Variants in NIN observed in about 807,000 individuals in gnomAD.
NIN encodes glycogen synthase kinase 3 beta-interacting protein.
In NIN, 137 loss-of-function variants were observed where a neutral mutation model predicts 257.6. The observed-to-expected ratio is 0.53, with a 90% CI of 0.46 to 0.61. NIN has a LOEUF of 0.61. Among genes scored for constraint, NIN ranks in the 20% least tolerant of loss-of-function variants. The pLI, the probability that NIN is intolerant of heterozygous loss-of-function variation, is 0.00. For missense variants in NIN, 2,439 were observed against 2,501.2 expected (o/e 0.98, Z 0.53); for synonymous variants, 918 against 919.8 (o/e 1.00, Z 0.04).
At chr14:50,737,757 G>A (rs1272909506) in intron 27 of NIN, among the ~76,000 whole-genome samples, 1 of 150,538 alleles carries the variant, frequency 6.6e-6, no homozygotes, top group Non-Finnish European at 1.5e-5. Flanking sequence ...CAATTCTCCT[G>A]CCTCAGCCTC....
At chr14:50,831,484 C>T (rs1275927017), upstream of NIN, among the ~76,000 whole-genome samples, 2 of 152,230 alleles carry the variant, frequency 1.3e-5, no homozygotes, top group Non-Finnish European at 2.9e-5. Context: ...CGGGCCGCAG[C>T]GTCTTCGCGC....
chr14:50,823,933 G>C (rs1231059813), intron 2 of NIN, among the ~76,000 whole-genome samples: 1 of 152,172 alleles, frequency 6.6e-6, no homozygotes, highest in East Asian at 1.9e-4. Flanking sequence ...ATTTAGACAA[G>C]GCCAACACTT....
At chr14:50,770,802 C>T in intron 11 of NIN, 50 bp downstream of exon 11, 1 of 1,581,568 alleles carries the variant, frequency 6.3e-7, no homozygotes, top group Non-Finnish European at 8.6e-7. Context: ...GGCGCCACTG[C>T]CCTGGGCCAG....
At chr14:50,828,442 G>T (rs1257393094) in intron 2 of NIN, among the ~76,000 whole-genome samples, 3 of 152,084 alleles carry the variant, frequency 2.0e-5, no homozygotes, top group African/African-American at 7.2e-5. Flanking sequence ...TCATAAATAG[G>T]ATAAAAATCT....
In NIN at chr14:50,757,927, C is replaced by A. The variant is rs780085952; in HGVS notation, c.3103G>T (p.Gly1035Cys). 1.9e-6 allele frequency: 3 copies of A among 1,614,200 alleles called. No homozygotes were observed. Among genetic ancestry groups the A allele is most frequent in the Non-Finnish European group, 2.5e-6 (3 of 1,180,028 alleles). ...ATSPLSMLQS[G>C]CQVIGEEEVE... ...TCCTCCTCTCCTATCACCTGGCAAC[C>A]ACTCTGAAGCATTGAGAGAGGAGAT... Residue 1035 changes from glycine (G) to cysteine (C), a missense_variant, in exon 18 of 31, where the codon GGT becomes TGT. Gly to Cys is a radical substitution (Grantham distance 159, BLOSUM62 -3). This residue lies in a region of NIN where 2,043 missense variants were observed against 2,050.2 expected (regional missense o/e 1.00). Coordinates refer to ENST00000530997, the MANE Select transcript of NIN (RefSeq NM_020921.4).
At chr14:50,802,530 G>A (rs1162768420) in intron 4 of NIN, among the ~76,000 whole-genome samples, 1 of 152,108 alleles carries the variant, frequency 6.6e-6, no homozygotes, top group Non-Finnish European at 1.5e-5. Flanking sequence ...CTTTTATTAG[G>A]AGGCTATAAA....
Position 50,722,034 on chromosome 14 carries a change from A to T in NIN, c.*1429T>A. On this transcript the variant is annotated 3_prime_UTR_variant, in exon 31 of 31. Coordinates refer to ENST00000530997, the MANE Select transcript of NIN (RefSeq NM_020921.4). ...GCTTGGCCCTCCAGGAATATATCAAAGCGAACTTTTCGGATTATTGTCTCA... is the reference window on the plus strand; with the variant it reads ...GCTTGGCCCTCCAGGAATATATCAATGCGAACTTTTCGGATTATTGTCTCA... 4.4e-6 allele frequency: 1 copy of T among 229,402 alleles called. No homozygotes were observed. Among genetic ancestry groups the T allele is most frequent in the Non-Finnish European group, 8.7e-6 (1 of 115,556 alleles). 14.2% of individuals were successfully genotyped at this position (229,402 alleles called of 1,614,324 possible).
At chr14:50,818,388 A>G (rs2045034845) in intron 3 of NIN, among the ~76,000 whole-genome samples, 1 of 151,722 alleles carries the variant, frequency 6.6e-6, no homozygotes, top group Non-Finnish European at 1.5e-5. Flanking sequence ...AATTATCTTC[A>G]TGTCCTGATT....
intron 22 of NIN, among the ~76,000 whole-genome samples, chr14:50,746,063 C>G (rs996988790): frequency 2.0e-5 from 3 of 148,474 alleles, no homozygotes; most frequent in Non-Finnish European, 3.0e-5. Context: ...GCAATAAAAA[C>G]GTGCTGAATG....
chr14:50,813,815 T>C (rs549665997), intron 3 of NIN, among the ~76,000 whole-genome samples: 1 of 152,240 alleles, frequency 6.6e-6, no homozygotes, highest in South Asian at 2.1e-4. Flanking sequence ...CAAAGGTCTA[T>C]GTAACTAATA....
intron 23 of NIN, 107 bp downstream of exon 23, chr14:50,744,136 G>A: frequency 1.6e-6 from 2 of 1,259,838 alleles, no homozygotes; most frequent in Non-Finnish European, 2.2e-6. Context: ...AGGACACTCT[G>A]GAACAACAGA....
At chr14:50,783,075 A>G (rs1451427241) in intron 5 of NIN, among the ~76,000 whole-genome samples, 1 of 152,102 alleles carries the variant, frequency 6.6e-6, no homozygotes, top group Non-Finnish European at 1.5e-5. Context: ...GGAGAAGGAT[A>G]GTTTAAACAT....
In NIN at chr14:50,748,016, T is replaced by G. The variant is rs2041628656; in HGVS notation, c.5040A>C (p.Lys1680Asn). 6.2e-7 allele frequency: 1 copy of G among 1,613,480 alleles called. No homozygotes were observed. Among genetic ancestry groups the G allele is most frequent in the African/African-American group, 1.3e-5 (1 of 75,036 alleles). Reference protein sequence around the residue: ...HIVQQENHLLKDELEKMKQLH... With the variant: ...HIVQQENHLLNDELEKMKQLH... Reference sequence around the variant, plus strand: ...CCTGTTTCATTTTCTCCAGTTCATCTTTGAGAAGGTGGTTTTCCTGTTGCA... The same window carrying G: ...CCTGTTTCATTTTCTCCAGTTCATCGTTGAGAAGGTGGTTTTCCTGTTGCA... The change falls in exon 22 of 31, where the codon AAA (lysine) becomes AAC (asparagine). Residue 1680 changes from lysine (K) to asparagine (N), a missense_variant. By Grantham distance (94) the Lys-to-Asn change is moderately conservative. Coordinates refer to ENST00000530997, the MANE Select transcript of NIN (RefSeq NM_020921.4).
chr14:50,795,044 T>C lies in NIN; in HGVS notation c.266-2163A>G, dbSNP rs191093335. On this transcript the variant is annotated intron_variant, in intron 4 of 30. Transcript: ENST00000530997. ...CATTAAATTGTTTATTTCATTATCT[T>C]ATTATAATAACCAATTTAAGCAAAC... 8.5e-5 allele frequency among the ~76,000 whole-genome samples: 13 copies of C among 152,366 alleles called. 1 individual carries two copies. Among genetic ancestry groups the C allele is most frequent in the Admixed American group, 6.5e-4 (10 of 15,300 alleles).
intron 18 of NIN, among the ~76,000 whole-genome samples, chr14:50,755,357 C>A (rs2041972767): frequency 6.6e-6 from 1 of 152,128 alleles, no homozygotes; most frequent in South Asian, 2.1e-4. Context: ...TTATTCATCT[C>A]ATTATATTCT....
At chr14:50,767,786 C>T (rs770784940) in intron 12 of NIN, among the ~76,000 whole-genome samples, 1 of 147,386 alleles carries the variant, frequency 6.8e-6, no homozygotes, top group African/African-American at 2.5e-5. Flanking sequence ...CACTGCACTC[C>T]AGCCTGGGCG....
intron 2 of NIN, among the ~76,000 whole-genome samples, chr14:50,827,195 CA>C (rs2045494133): frequency 6.6e-6 from 1 of 152,084 alleles, no homozygotes; most frequent in Admixed American, 6.5e-5. Flanking sequence ...GAAAGAGTGA[CA>C]AGGATAAATT....
At position 50,794,880 on chromosome 14, in the gene NIN, C is replaced by T. The variant is rs533548606; in HGVS notation, c.266-1999G>A. Among the ~76,000 whole-genome samples, 418 of 152,182 alleles carry T rather than the reference C, an allele frequency of 2.7e-3. 4 individuals are homozygous for T. The highest frequency in any genetic ancestry group is 9.6e-3 in the African/African-American group (398 of 41,504). ...TCCCTGGTTGTTTACTACTCACTAC[C>T]CCACGTAGTGCATAGGGTAGATGCA... On this transcript the variant is annotated intron_variant, in intron 4 of 30. Coordinates refer to ENST00000530997, the MANE Select transcript of NIN (RefSeq NM_020921.4).
chr14:50,740,356 T>C, intron 25 of NIN, among the ~76,000 whole-genome samples: 1 of 151,498 alleles, frequency 6.6e-6, no homozygotes, highest in East Asian at 1.9e-4. Context: ...AGCTGGCTTT[T>C]TTTTTTTTTT....
Sources: gnomAD v4.1 joint callset for allele counts (sites outside exome capture counted in the v4.1 genomes callset) on GRCh38, gnomAD v4.1.1 for gene constraint, gnomAD v4.1.1 regional missense constraint, MANE v1.5 for transcripts, NCBI Gene and HGNC (gene_info 2026-07-23, HGNC 2026-07-21) for gene names.